SLC39A6: variants seen among roughly 807,000 people sequenced by gnomAD.
SLC39A6 encodes solute carrier family 39 member 6.
In SLC39A6, 51 loss-of-function variants were observed where a neutral mutation model predicts 63.5. The observed-to-expected ratio is 0.80, with a 90% CI of 0.64 to 1.01. The LOEUF (loss-of-function observed/expected upper bound fraction) is 1.01. SLC39A6 is among the 50% of genes least tolerant of loss of function. The pLI is 0.00. For synonymous variants in SLC39A6, 318 were observed against 324.7 expected (o/e 0.98, Z 0.22); for missense variants, 805 against 927.8 (o/e 0.87, Z 1.72).
At position 36,108,973 on chromosome 18, in the gene SLC39A6, TTAGTA is replaced by T. The variant is rs2089280751; in HGVS notation, c.*615_*619del. 6.6e-6 allele frequency: 1 copy of T among 152,222 alleles called. No homozygotes were observed. Among genetic ancestry groups the T allele is most frequent in the Admixed American group, 6.5e-5 (1 of 15,286 alleles). 9.4% of individuals were successfully genotyped at this position (152,222 alleles called of 1,614,324 possible). A position where few individuals can be genotyped will look rare whatever the true frequency, so the allele number is the denominator to read the frequency against. On this transcript the variant is annotated 3_prime_UTR_variant, in exon 10 of 10. Coordinates refer to ENST00000269187, the MANE Select transcript of SLC39A6 (RefSeq NM_012319.4). ...ATACAAAGTTAAATGTACAACTAAA[TTAGTA>T]TATGAAAAGTGCTCACTACGTTTTT...
intron 7 of SLC39A6, 102 bp downstream of exon 7, chr18:36,113,995 T>A: frequency 7.2e-7 from 1 of 1,385,694 alleles, no homozygotes; most frequent in Admixed American, 2.7e-5. Context: ...AAGTCACTAA[T>A]ATCCTCATCT....
chr18:36,115,628 G>C (rs1038113859), intron 6 of SLC39A6, among the ~76,000 whole-genome samples: 6 of 152,134 alleles, frequency 3.9e-5, no homozygotes, highest in African/African-American at 1.4e-4. Flanking sequence ...AATGGTCTCA[G>C]AGAACGGTAT....
chr18:36,116,132 T>G (rs904664817), intron 6 of SLC39A6, among the ~76,000 whole-genome samples: 20 of 152,282 alleles, frequency 1.3e-4, no homozygotes, highest in African/African-American at 4.1e-4. Flanking sequence ...AAAAGCACTA[T>G]TAAGGCATTT....
intron 5 of SLC39A6, among the ~76,000 whole-genome samples, chr18:36,121,737 C>T (rs1000097196): frequency 1.9e-4 from 29 of 152,184 alleles, no homozygotes; most frequent in African/African-American, 6.5e-4. Context: ...ATAGTGTATC[C>T]ATGTATACAC....
rs2089399179 is a variant in SLC39A6, at chr18:36,122,138, G to C, written c.1273C>G (p.Leu425Val). 2.5e-6 allele frequency: 4 copies of C among 1,613,858 alleles called. No homozygotes were observed. The highest frequency in any genetic ancestry group is 2.5e-6 in the Non-Finnish European group (3 of 1,179,886). The change falls in exon 5 of 10, where the codon CTA becomes GTA. Residue 425 changes from leucine (L) to valine (V), a missense_variant. Coordinates refer to ENST00000269187, the MANE Select transcript of SLC39A6 (RefSeq NM_012319.4). ...SAYFDSTWKGLTALGGLYFMF... is the reference protein window; with the variant it reads ...SAYFDSTWKGVTALGGLYFMF... ...AAATACAGGCCTCCTAGAGCTGTTA[G>C]ACCCTTCCACGTGGAATCAAAATAG...
At chr18:36,128,861 G>T (rs1179050694) in intron 1 of SLC39A6, among the ~76,000 whole-genome samples, 2 of 152,182 alleles carry the variant, frequency 1.3e-5, no homozygotes, top group East Asian at 3.9e-4. Context: ...TCGAATATGG[G>T]ATGAAAAGTA....
intron 5 of SLC39A6, among the ~76,000 whole-genome samples, chr18:36,117,764 G>A (rs1325624606): frequency 6.6e-6 from 1 of 152,178 alleles, no homozygotes; most frequent in East Asian, 1.9e-4. Context: ...GGGCATGGTG[G>A]CGAACGCCTG....
At chr18:36,128,699 G>A (rs2089477121) in intron 1 of SLC39A6, among the ~76,000 whole-genome samples, 1 of 152,202 alleles carries the variant, frequency 6.6e-6, no homozygotes, top group South Asian at 2.1e-4. Flanking sequence ...ACCCGTTGAA[G>A]GATCTCCTTT....
chr18:36,113,533 C>T (rs1031883535), intron 7 of SLC39A6, among the ~76,000 whole-genome samples: 13 of 152,288 alleles, frequency 8.5e-5, no homozygotes, highest in South Asian at 6.2e-4. Context: ...GGACAAGTGG[C>T]GTCACCTTGA....
intron 6 of SLC39A6, among the ~76,000 whole-genome samples, chr18:36,115,620 T>C (rs1383689072): frequency 6.6e-6 from 1 of 152,078 alleles, no homozygotes. Context: ...ATGCATGTAA[T>C]GGTCTCAGAG....
At chr18:36,113,965 T>C in intron 7 of SLC39A6, 132 bp downstream of exon 7, 2 of 1,190,084 alleles carry the variant, frequency 1.7e-6, no homozygotes, top group Non-Finnish European at 2.3e-6. Flanking sequence ...AAAGAAAAAG[T>C]AACATTTTTA....
intron 3 of SLC39A6, 128 bp from the exon 4 acceptor site, chr18:36,123,792 C>T: frequency 1.2e-6 from 1 of 840,956 alleles, no homozygotes; most frequent in Non-Finnish European, 1.8e-6. Context: ...AAATTCAATG[C>T]AAATAGGACC....
intron 8 of SLC39A6, 53 bp from the exon 9 acceptor site, chr18:36,111,302 G>A: frequency 6.4e-7 from 1 of 1,558,774 alleles, no homozygotes; most frequent in Admixed American, 1.8e-5. Flanking sequence ...TCATTTTTAA[G>A]ACACATACCA....
chr18:36,109,795 C>A, intron 9 of SLC39A6, 50 bp from the exon 10 acceptor site: 1 of 1,515,260 alleles, frequency 6.6e-7, no homozygotes, highest in Non-Finnish European at 9.0e-7. Flanking sequence ...GTTTTTAGAA[C>A]TACAGATTAG....
Position 36,125,350 on chromosome 18 carries a change from G to GAAAAAAAAAAAA in SLC39A6, c.790-662_790-651dup, listed in dbSNP as rs72307025. Among the ~76,000 whole-genome samples the GAAAAAAAAAAAA allele has an allele frequency of 6.7e-5, 9 of 134,022 alleles. 1 individual carries two copies. Among genetic ancestry groups the GAAAAAAAAAAAA allele is most frequent in the East Asian group, 2.3e-4 (1 of 4,370 alleles). The allele number at this position is 134,022 out of a possible 152,430, so 87.9% of individuals were successfully genotyped here. A position where few individuals can be genotyped will look rare whatever the true frequency, so the allele number is the denominator to read the frequency against. On this transcript the variant is annotated intron_variant, in intron 2 of 9. Transcript: ENST00000269187. Reference sequence around the variant, plus strand: ...TGCAATCTCTCCCCCAGCCAAAAAAGAAAAAAAAAAAAAAACAACAAAAAA... The same window carrying GAAAAAAAAAAAA: ...TGCAATCTCTCCCCCAGCCAAAAAAGAAAAAAAAAAAAAAAAAAAAAAAAAAACAACAAAAAA...
chr18:36,120,669 G>C (rs960858187), intron 5 of SLC39A6, among the ~76,000 whole-genome samples: 19 of 151,136 alleles, frequency 1.3e-4, no homozygotes, highest in African/African-American at 3.9e-4. Context: ...CTTCTTTTTT[G>C]GGGGGTAGAG....
At chr18:36,114,967 A>G (rs1234705144) in intron 6 of SLC39A6, among the ~76,000 whole-genome samples, 1 of 152,248 alleles carries the variant, frequency 6.6e-6, no homozygotes, top group Non-Finnish European at 1.5e-5. Flanking sequence ...TTATTTCATC[A>G]TCACCAAGAA....
At position 36,129,165 on chromosome 18, in the gene SLC39A6, C is replaced by G. The variant is rs573217818; in HGVS notation, c.-61G>C. 6.6e-6 allele frequency: 1 copy of G among 152,584 alleles called. No homozygotes were observed. Among genetic ancestry groups the G allele is most frequent in the South Asian group, 2.0e-4 (1 of 4,912 alleles). The allele number at this position is 152,584 out of a possible 1,614,324, so 9.5% of individuals were successfully genotyped here. A position where few individuals can be genotyped will look rare whatever the true frequency, so the allele number is the denominator to read the frequency against. On this transcript the variant is annotated 5_prime_UTR_variant, in exon 1 of 10. Coordinates refer to ENST00000269187, the MANE Select transcript of SLC39A6 (RefSeq NM_012319.4). ...CCCGGCCACGCGCGCAGGTTTGGTTCCACACGGGCGGTCCAGAGGGCTCGG... is the reference window on the plus strand; with the variant it reads ...CCCGGCCACGCGCGCAGGTTTGGTTGCACACGGGCGGTCCAGAGGGCTCGG...
intron 7 of SLC39A6, among the ~76,000 whole-genome samples, chr18:36,113,101 T>TA (rs2089314266): frequency 2.8e-5 from 2 of 71,482 alleles, no homozygotes; most frequent in Non-Finnish European, 7.1e-5. Flanking sequence ...GCATATATAT[T>TA]TTTTTTTTTC....
Sources: gnomAD v4.1 joint callset for allele counts (sites outside exome capture counted in the v4.1 genomes callset) on GRCh38, gnomAD v4.1.1 for gene constraint, MANE v1.5 for transcripts, NCBI Gene and HGNC (gene_info 2026-07-23, HGNC 2026-07-21) for gene names.